ABCC9: variants seen among roughly 807,000 people sequenced by gnomAD.
The protein encoded by ABCC9 is ATP-binding cassette sub-family C member 9.
In ABCC9, 95 loss-of-function variants were observed where a neutral mutation model predicts 188.3. That is an observed-to-expected ratio of 0.50 (90% CI 0.43 to 0.60). ABCC9 has a LOEUF of 0.60. Ranked by LOEUF, ABCC9 falls within the 20% of genes least tolerant of loss-of-function variation. ABCC9 has a pLI of 0.00. For missense variants in ABCC9, 1,102 were observed against 1,876.3 expected, an observed-to-expected ratio of 0.59 and a Z score of 7.62; for synonymous variants, 659 against 652.7, an observed-to-expected ratio of 1.01 and a Z score of -0.15.
Position 21,923,773 on chromosome 12 carries a change from A to C in ABCC9, c.406+2169T>G, listed in dbSNP as rs1190061232. 22 of 693,698 alleles carry C rather than the reference A, an allele frequency of 3.2e-5. No homozygotes were observed. In the South Asian group the frequency reaches 3.2e-4, roughly 10 times the overall value. 43.0% of individuals were successfully genotyped at this position (693,698 alleles called of 1,614,324 possible). On this transcript the variant is annotated intron_variant, in intron 5 of 39. Transcript: ENST00000261200. ...TGACCCAGAGATTTCACTCTTAGGT[A>C]TTTACCTAGGAGAAATAAATGCATA... is the stretch of plus-strand genomic sequence containing the variant.
At chr12:21,842,567 G>C in intron 28 of ABCC9, 96 bp from the exon 29 acceptor site, 1 of 1,222,170 alleles carries the variant, frequency 8.2e-7, no homozygotes, top group East Asian at 2.4e-5. Context: ...TAGTTACACA[G>C]TTAACTACCA....
At chr12:21,803,087 C>A (rs1158484556) in intron 39 of ABCC9, among the ~76,000 whole-genome samples, 1 of 151,552 alleles carries the variant, frequency 6.6e-6, no homozygotes, top group Non-Finnish European at 1.5e-5. Context: ...TTTGCACCAA[C>A]CTAATACATT....
chr12:21,816,119 C>T (rs1942632375), intron 33 of ABCC9, among the ~76,000 whole-genome samples: 1 of 103,414 alleles, frequency 9.7e-6, no homozygotes, highest in Non-Finnish European at 1.8e-5. Flanking sequence ...TTTGATTACG[C>T]ACTTTTAAGA....
chr12:21,872,861 C>G (rs908198044), intron 17 of ABCC9, 131 bp from the exon 18 acceptor site: 7 of 702,088 alleles, frequency 1.0e-5, no homozygotes, highest in Admixed American at 6.4e-5. Context: ...GTAAGGTATT[C>G]TAAACAGCTC....
chr12:21,895,155 G>T, intron 13 of ABCC9, 120 bp downstream of exon 13: 2 of 833,802 alleles, frequency 2.4e-6, no homozygotes, highest in Non-Finnish European at 4.0e-6. Flanking sequence ...AATGGAGACT[G>T]CCATAGAGAG....
chr12:21,815,285 GGT>G (rs1565691599), intron 34 of ABCC9, among the ~76,000 whole-genome samples: 2 of 144,944 alleles, frequency 1.4e-5, no homozygotes, highest in African/African-American at 5.4e-5. Flanking sequence ...TTTTCTTCAT[GGT>G]TTTTTTTTTT....
intron 11 of ABCC9, among the ~76,000 whole-genome samples, chr12:21,907,067 C>G (rs549469638): frequency 3.9e-5 from 6 of 152,164 alleles, no homozygotes; most frequent in African/African-American, 4.8e-5. Flanking sequence ...GCAAAAGTAG[C>G]AAACAGCCTG....
chr12:21,833,555 C>A (rs1253465249), intron 30 of ABCC9, among the ~76,000 whole-genome samples: 2 of 152,058 alleles, frequency 1.3e-5, no homozygotes, highest in Non-Finnish European at 2.9e-5. Flanking sequence ...CTCTTTCATT[C>A]TAAATCTTCC....
chr12:21,859,382 A>G (rs928013936), intron 22 of ABCC9, among the ~76,000 whole-genome samples: 4 of 152,166 alleles, frequency 2.6e-5, no homozygotes, highest in Admixed American at 2.0e-4. Flanking sequence ...TTGGACACCA[A>G]TCTGGATCCT....
At chr12:21,906,585 A>C (rs539767201) in intron 11 of ABCC9, among the ~76,000 whole-genome samples, 1 of 152,264 alleles carries the variant, frequency 6.6e-6, no homozygotes, top group African/African-American at 2.4e-5. Context: ...TCCTTGAATC[A>C]TGTCTGCAGA....
chr12:21,802,616 C>T (rs947184508), intron 39 of ABCC9, among the ~76,000 whole-genome samples: 2 of 152,110 alleles, frequency 1.3e-5, no homozygotes, highest in South Asian at 2.1e-4. Flanking sequence ...CTTCTCAATT[C>T]GAACTATCAA....
chr12:21,853,900 G>A (rs1945094838), intron 22 of ABCC9, among the ~76,000 whole-genome samples: 1 of 152,100 alleles, frequency 6.6e-6, no homozygotes, highest in South Asian at 2.1e-4. Context: ...GGTAAAAACT[G>A]GGAAGAGTTA....
chr12:21,802,458 G>T (rs1252617638), intron 39 of ABCC9, among the ~76,000 whole-genome samples: 3 of 152,118 alleles, frequency 2.0e-5, no homozygotes, highest in South Asian at 2.1e-4. Flanking sequence ...ATAAACAAAT[G>T]AAAGCAACTT....
chr12:21,828,186 G>A (rs181022663), intron 31 of ABCC9, among the ~76,000 whole-genome samples: 130 of 152,252 alleles, frequency 8.5e-4, no homozygotes, highest in African/African-American at 2.8e-3. Flanking sequence ...GTTCCGGATC[G>A]CACAGACTAC....
intron 5 of ABCC9, among the ~76,000 whole-genome samples, chr12:21,920,520 A>T (rs1226766565): frequency 6.6e-6 from 1 of 152,076 alleles, no homozygotes; most frequent in Non-Finnish European, 1.5e-5. Context: ...CATCAGAGTA[A>T]ATATGGCATT....
intron 12 of ABCC9, among the ~76,000 whole-genome samples, chr12:21,896,465 G>A (rs144331342): frequency 1.2e-3 from 187 of 152,114 alleles, no homozygotes; most frequent in African/African-American, 4.3e-3. Flanking sequence ...TTAAGTTCCG[G>A]GATACATGTG....
intron 12 of ABCC9, among the ~76,000 whole-genome samples, chr12:21,900,391 A>C (rs1947676423): frequency 6.6e-6 from 1 of 152,184 alleles, no homozygotes; most frequent in Admixed American, 6.5e-5. Context: ...AAAATTCTAA[A>C]AATCAGAGCA....
chr12:21,806,058 C>T lies in ABCC9; in HGVS notation c.4452G>A (p.Glu1484=). 3 of 1,611,466 alleles carry T rather than the reference C, an allele frequency of 1.9e-6. No individual in the cohort carries two copies. Among genetic ancestry groups the T allele is most frequent in the Non-Finnish European group, 2.5e-6 (3 of 1,179,026 alleles). ...TCATTACTACTTTTTGCAAAATATTCTCCTGCAAAAAAAAAAAAGTGTAAA... is the reference window on the plus strand; with the variant it reads ...TCATTACTACTTTTTGCAAAATATTTTCCTGCAAAAAAAAAAAAGTGTAAA... ...EATASIDMAT[E]NILQKVVMTA... is the part of the protein sequence containing the mutation. The change falls in exon 39 of 40, where the codon GAG becomes GAA. Residue 1484 remains glutamate, a splice_region_variant and synonymous_variant. Transcript: ENST00000261200.
chr12:21,848,708 C>T (rs941838835), intron 24 of ABCC9, among the ~76,000 whole-genome samples: 6 of 152,068 alleles, frequency 3.9e-5, no homozygotes, highest in South Asian at 2.1e-4. Context: ...TAAATCAGAA[C>T]GAGTTTCTTT....
Sources: gnomAD v4.1 joint callset for allele counts (sites outside exome capture counted in the v4.1 genomes callset) on GRCh38, gnomAD v4.1.1 for gene constraint, MANE v1.5 for transcripts, NCBI Gene and HGNC (gene_info 2026-07-23, HGNC 2026-07-21) for gene names.